The following PDZRN4 variants were observed in gnomAD, a reference collection of about 807,000 sequenced individuals.
PDZRN4 encodes PDZ domain-containing RING finger protein 4.
Under a neutral mutation model 99.0 loss-of-function variants are expected in PDZRN4, and 70 were observed. That is an observed-to-expected ratio of 0.71 (90% CI 0.58 to 0.86). The LOEUF is 0.86. Ranked by LOEUF, PDZRN4 falls within the 40% of genes least tolerant of loss-of-function variation. The probability of loss-of-function intolerance (pLI) is 0.00; values close to 1 mark genes in which losing one functional copy is unlikely to be tolerated. For missense variants in PDZRN4, 1,474 were observed against 1,331.2 expected (o/e 1.11, Z -1.67); for synonymous variants, 551 against 501.6 (o/e 1.10, Z -1.32).
chr12:41,190,970 C>G (rs1950732226), intron 1 of PDZRN4, among the ~76,000 whole-genome samples: 1 of 152,136 alleles, frequency 6.6e-6, no homozygotes, highest in South Asian at 2.1e-4. Flanking sequence ...ACAGATCCTG[C>G]ATTACAACAG....
At chr12:41,486,813 C>G in intron 3 of PDZRN4, among the ~76,000 whole-genome samples, 1 of 152,158 alleles carries the variant, frequency 6.6e-6, no homozygotes, top group East Asian at 1.9e-4. Context: ...TCTCTTACTT[C>G]TCTCCCCTGC....
intron 3 of PDZRN4, among the ~76,000 whole-genome samples, chr12:41,238,833 T>A (rs1276773074): frequency 1.3e-5 from 2 of 152,160 alleles, no homozygotes; most frequent in Non-Finnish European, 2.9e-5. Flanking sequence ...CGAGGTTGTA[T>A]AGAAAAGGGA....
intron 3 of PDZRN4, among the ~76,000 whole-genome samples, chr12:41,502,668 A>G (rs1938131815): frequency 6.6e-6 from 1 of 152,090 alleles, no homozygotes; most frequent in African/African-American, 2.4e-5. Flanking sequence ...GACTCCTTTA[A>G]TGGATAGTTT....
rs529567520 is a variant in PDZRN4 at position 41,188,361 on chromosome 12, G to T, written c.-95G>T. On this transcript the variant is annotated 5_prime_UTR_variant, in exon 1 of 10. Transcript: ENST00000402685. Reference sequence around the variant, plus strand: ...GCCACCTCCCTCCACTGCCGCCGCCGCGAGACGGCTGCCCCGGGGGTGGCC... The same window carrying T: ...GCCACCTCCCTCCACTGCCGCCGCCTCGAGACGGCTGCCCCGGGGGTGGCC... The T allele has an allele frequency of 1.2e-3, 1,520 of 1,246,126 alleles. 7 individuals carry two copies. In the African/African-American group the frequency reaches 0.022, roughly 18 times the overall value. The allele number at this position is 1,246,126 out of a possible 1,614,324, so 77.2% of individuals were successfully genotyped here.
At chr12:41,282,335 A>G (rs1044869315) in intron 3 of PDZRN4, among the ~76,000 whole-genome samples, 3 of 152,228 alleles carry the variant, frequency 2.0e-5, no homozygotes, top group Admixed American at 1.3e-4. Context: ...TCCTAAATAT[A>G]TATGCACCCA....
intron 3 of PDZRN4, among the ~76,000 whole-genome samples, chr12:41,242,885 C>T (rs1240464336): frequency 6.6e-6 from 1 of 152,190 alleles, no homozygotes; most frequent in East Asian, 1.9e-4. Flanking sequence ...TAGCACTCAG[C>T]ATAGCCACTG....
chr12:41,375,374 C>T (rs1952071785), intron 3 of PDZRN4, among the ~76,000 whole-genome samples: 2 of 152,110 alleles, frequency 1.3e-5, no homozygotes, highest in South Asian at 4.2e-4. Flanking sequence ...ATTTGAACTA[C>T]AATTAGATGA....
chr12:41,438,265 A>T (rs547691294), intron 3 of PDZRN4, among the ~76,000 whole-genome samples: 68 of 152,314 alleles, frequency 4.5e-4, no homozygotes, highest in Non-Finnish European at 8.8e-4. Flanking sequence ...TGTCAGTCAC[A>T]TAACAGGAGT....
intron 3 of PDZRN4, among the ~76,000 whole-genome samples, chr12:41,399,828 A>C (rs556519077): frequency 1.3e-5 from 2 of 152,014 alleles, no homozygotes; most frequent in South Asian, 4.2e-4. Flanking sequence ...TTCTTCCTTA[A>C]TTGTTCAATG....
chr12:41,379,417 T>G (rs1225377830), intron 3 of PDZRN4, among the ~76,000 whole-genome samples: 1 of 151,462 alleles, frequency 6.6e-6, no homozygotes. Context: ...AATGTGGGCT[T>G]TGGTTGTTCT....
At chr12:41,257,546 C>T (rs529929509) in intron 3 of PDZRN4, among the ~76,000 whole-genome samples, 28 of 152,202 alleles carry the variant, frequency 1.8e-4, no homozygotes, top group African/African-American at 4.6e-4. Flanking sequence ...CTGGAATAGA[C>T]CTTAGAGGAA....
At chr12:41,441,229 T>C (rs1293209190) in intron 3 of PDZRN4, among the ~76,000 whole-genome samples, 1 of 152,160 alleles carries the variant, frequency 6.6e-6, no homozygotes, top group Non-Finnish European at 1.5e-5. Flanking sequence ...TCTATTCTTA[T>C]TCACTTCCCA....
intron 5 of PDZRN4, among the ~76,000 whole-genome samples, chr12:41,526,543 A>G (rs1378873122): frequency 2.0e-5 from 3 of 152,228 alleles, no homozygotes; most frequent in African/African-American, 7.2e-5. Flanking sequence ...GCATAAGGAA[A>G]GTCCTGACAA....
At chr12:41,228,381 T>G (rs1016348277) in intron 3 of PDZRN4, among the ~76,000 whole-genome samples, 2 of 152,150 alleles carry the variant, frequency 1.3e-5, no homozygotes, top group African/African-American at 4.8e-5. Context: ...GACTACAGAA[T>G]AATTTTTTGT....
intron 3 of PDZRN4, among the ~76,000 whole-genome samples, chr12:41,400,545 T>A (rs1424125899): frequency 1.3e-5 from 2 of 152,160 alleles, no homozygotes; most frequent in East Asian, 3.9e-4. Flanking sequence ...GAAAATATAC[T>A]ACATATGTTC....
At chr12:41,400,878 T>C (rs1158248209) in intron 3 of PDZRN4, among the ~76,000 whole-genome samples, 2 of 152,178 alleles carry the variant, frequency 1.3e-5, no homozygotes, top group African/African-American at 2.4e-5. Flanking sequence ...AGCCCTCCTT[T>C]GCTTTCCCTG....
In PDZRN4 at chr12:41,465,338, A is replaced by G. The variant is rs1352450152; in HGVS notation, c.844-41118A>G. Among the ~76,000 whole-genome samples the G allele has an allele frequency of 5.9e-5, 9 of 152,354 alleles. No homozygotes were observed. The East Asian group carries it at 1.4e-3, about 23-fold the overall frequency. On this transcript the variant is annotated intron_variant, in intron 3 of 9. Transcript: ENST00000402685. Reference sequence around the variant, plus strand: ...TTACATTTTGATATCTAAACACATTAGTGAACAACCACAGAGATTTCACTT... The same window carrying G: ...TTACATTTTGATATCTAAACACATTGGTGAACAACCACAGAGATTTCACTT...
chr12:41,295,744 G>C (rs546016186), intron 3 of PDZRN4, among the ~76,000 whole-genome samples: 2 of 152,216 alleles, frequency 1.3e-5, no homozygotes, highest in Admixed American at 1.3e-4. Context: ...AGTTTCAAAA[G>C]AGACCCTATC....
chr12:41,494,933 T>C (rs970850619), intron 3 of PDZRN4, among the ~76,000 whole-genome samples: 7 of 152,188 alleles, frequency 4.6e-5, no homozygotes, highest in African/African-American at 1.7e-4. Flanking sequence ...TACCATTCAT[T>C]GTGTAGGCAC....
Sources: allele counts gnomAD v4.1 joint callset (sites outside exome capture counted in the v4.1 genomes callset), GRCh38; gene constraint gnomAD v4.1.1; transcripts MANE v1.5; gene names NCBI Gene and HGNC (gene_info 2026-07-23, HGNC 2026-07-21).